Variants in KRIT1 observed in about 807,000 individuals in gnomAD.
The protein encoded by KRIT1 is krev interaction trapped protein 1.
In KRIT1, 45 loss-of-function variants were observed where a neutral mutation model predicts 95.8. The ratio of observed to expected loss-of-function variants is 0.47; its 90% CI spans 0.37 to 0.60. The LOEUF is 0.60. Ranked by LOEUF, KRIT1 falls within the 20% of genes least tolerant of loss-of-function variation. KRIT1 has a pLI of 0.00. For synonymous variants in KRIT1, 282 were observed against 278.8 expected, an observed-to-expected ratio of 1.01 and a Z score of -0.11; for missense variants, 788 against 877.5, an observed-to-expected ratio of 0.90 and a Z score of 1.29.
chr7:92,217,502 T>C (rs916584036), intron 14 of KRIT1, among the ~76,000 whole-genome samples: 5 of 152,254 alleles, frequency 3.3e-5, no homozygotes, highest in Non-Finnish European at 5.9e-5. Flanking sequence ...TATTCTAGAT[T>C]ACTTGATATA....
intron 14 of KRIT1, among the ~76,000 whole-genome samples, chr7:92,218,245 A>G (rs1794401611): frequency 6.6e-6 from 1 of 151,842 alleles, no homozygotes; most frequent in Admixed American, 6.6e-5. Flanking sequence ...CAAAGACAAA[A>G]ACAAAAACAA....
At chr7:92,212,679 A>G (rs1584790265) in intron 17 of KRIT1, among the ~76,000 whole-genome samples, 1 of 152,238 alleles carries the variant, frequency 6.6e-6, no homozygotes, top group Non-Finnish European at 1.5e-5. Context: ...AACTGTGAGA[A>G]ATAAAACTTC....
chr7:92,239,998 T>G (rs1329529294), intron 5 of KRIT1, among the ~76,000 whole-genome samples: 3 of 152,018 alleles, frequency 2.0e-5, no homozygotes, highest in Non-Finnish European at 4.4e-5. Context: ...CGTGAGCCAC[T>G]GCACCTCACG....
intron 10 of KRIT1, among the ~76,000 whole-genome samples, chr7:92,228,799 GTCC>G (rs960233431): frequency 1.5e-4 from 23 of 152,114 alleles, no homozygotes; most frequent in Admixed American, 1.4e-3. Flanking sequence ...GTGCTCATGA[GTCC>G]TCATCATTCA....
chr7:92,205,122 G>A (rs558245287), intron 17 of KRIT1, among the ~76,000 whole-genome samples: 1 of 152,092 alleles, frequency 6.6e-6, no homozygotes, highest in African/African-American at 2.4e-5. Flanking sequence ...CGAGGCAGTC[G>A]GATCACCTGA....
At chr7:92,235,316 G>A in intron 8 of KRIT1, 87 bp downstream of exon 8, 1 of 1,308,702 alleles carries the variant, frequency 7.6e-7, no homozygotes. Flanking sequence ...TTTATAATTA[G>A]TAATAGATGT....
In KRIT1 at chr7:92,241,738, G is replaced by C. The variant is rs1274617311; in HGVS notation, c.102+296C>G. On this transcript the variant is annotated intron_variant, in intron 4 of 18. Coordinates refer to ENST00000394505, the MANE Select transcript of KRIT1 (RefSeq NM_194454.3). Reference sequence around the variant, plus strand: ...TTTGGATTGAAATTTTAAGTGAGCTGACTTTTGCAGTGGTTTTTAATTTTT... The same window carrying C: ...TTTGGATTGAAATTTTAAGTGAGCTCACTTTTGCAGTGGTTTTTAATTTTT... Among the ~76,000 whole-genome samples, 4 of 152,172 alleles carry C rather than the reference G, an allele frequency of 2.6e-5. No individual in the cohort carries two copies. The East Asian group carries it at 5.8e-4, about 22-fold the overall frequency.
At chr7:92,209,800 T>C (rs1792372258) in intron 17 of KRIT1, among the ~76,000 whole-genome samples, 1 of 152,080 alleles carries the variant, frequency 6.6e-6, no homozygotes, top group Non-Finnish European at 1.5e-5. Context: ...TGGTGGCTCA[T>C]GCCTGTAATC....
In KRIT1 at chr7:92,206,353, C is replaced by T. The variant is rs545589664; in HGVS notation, c.2026-4930G>A. ...AGGAAAGGCATGCCCTGCCTACTGG[C>T]ACAACTACTAGTGCCTGAGCACTGG... On this transcript the variant is annotated intron_variant, in intron 17 of 18. Transcript: ENST00000394505. 5 of 152,548 alleles carry T rather than the reference C, an allele frequency of 3.3e-5. No homozygotes were observed. The South Asian group carries it at 1.0e-3, about 32-fold the overall frequency. The allele number at this position is 152,548 out of a possible 1,614,324, so 9.4% of individuals were successfully genotyped here.
At chr7:92,236,614 C>T (rs933779852) in intron 6 of KRIT1, 72 bp from the exon 7 acceptor site, 8 of 1,032,792 alleles carry the variant, frequency 7.7e-6, no homozygotes, top group Non-Finnish European at 6.0e-6. Flanking sequence ...TCTAAAAATA[C>T]ATGTTAGAAA....
At chr7:92,241,173 A>C (rs1156683859) in intron 4 of KRIT1, 21 bp from the exon 5 acceptor site, 1 of 1,566,860 alleles carries the variant, frequency 6.4e-7, no homozygotes, top group East Asian at 2.2e-5. Context: ...AAAAACATTA[A>C]GAGAAAGCTT....
At position 92,200,569 on chromosome 7, in the gene KRIT1, T is replaced by G. The variant is rs991965771; in HGVS notation, c.*167A>C. On this transcript the variant is annotated 3_prime_UTR_variant, in exon 19 of 19. Transcript: ENST00000394505. The stretch of plus-strand genomic sequence containing the variant: ...GGTTTCACCATGTTGGCCAGGCTGG[T>G]CTTGAACTCTGACTTCAGGTGATCC... The G allele has an allele frequency of 3.1e-6, 2 of 642,716 alleles. No homozygotes were observed. Among genetic ancestry groups the G allele is most frequent in the African/African-American group, 3.6e-5 (2 of 55,362 alleles). The allele number at this position is 642,716 out of a possible 1,614,324, so 39.8% of individuals were successfully genotyped here.
chr7:92,208,975 C>A (rs1792171484), intron 17 of KRIT1, among the ~76,000 whole-genome samples: 1 of 152,120 alleles, frequency 6.6e-6, no homozygotes, highest in African/African-American at 2.4e-5. Context: ...TCCAACAACA[C>A]ATCAAAAAGA....
chr7:92,200,604 A>C lies in KRIT1; in HGVS notation c.*132T>G, dbSNP rs572414111. The stretch of plus-strand genomic sequence containing the variant: ...TGACTTCAGGTGATCCGCCTGCCCC[A>C]GCCTCCCAAAGTGCTGGAATTACAG... On this transcript the variant is annotated 3_prime_UTR_variant, in exon 19 of 19. Coordinates refer to ENST00000394505, the MANE Select transcript of KRIT1 (RefSeq NM_194454.3). 1,829 of 701,286 alleles carry C rather than the reference A, an allele frequency of 2.6e-3. 17 individuals are homozygous for C. The highest frequency in any genetic ancestry group is 9.6e-3 in the South Asian group (634 of 66,378). The allele number at this position is 701,286 out of a possible 1,614,324, so 43.4% of individuals were successfully genotyped here.
chr7:92,211,451 C>T (rs552325474), intron 17 of KRIT1, among the ~76,000 whole-genome samples: 94 of 152,184 alleles, frequency 6.2e-4, no homozygotes, highest in African/African-American at 2.1e-3. Flanking sequence ...TTCTCATATA[C>T]GTGAGACGTT....
At chr7:92,221,874 T>A (rs1795220239) in intron 14 of KRIT1, 28 bp downstream of exon 14, 1 of 1,600,162 alleles carries the variant, frequency 6.2e-7, no homozygotes, top group Non-Finnish European at 8.6e-7. Flanking sequence ...TGCATTTAAA[T>A]AACTGTAAAT....
chr7:92,236,268 T>C, intron 7 of KRIT1, 145 bp downstream of exon 7: 1 of 614,346 alleles, frequency 1.6e-6, no homozygotes, highest in Non-Finnish European at 2.8e-6. Flanking sequence ...TTCATTTTTA[T>C]ATTAGAATTG....
chr7:92,204,687 C>T (rs189636464), intron 17 of KRIT1, among the ~76,000 whole-genome samples: 140 of 152,106 alleles, frequency 9.2e-4, no homozygotes, highest in African/African-American at 3.2e-3. Flanking sequence ...CTAATGCCAC[C>T]GTTGATCTGA....
chr7:92,217,949 A>G (rs905461158), intron 14 of KRIT1, among the ~76,000 whole-genome samples: 8 of 152,068 alleles, frequency 5.3e-5, no homozygotes, highest in African/African-American at 1.9e-4. Context: ...TAGCCATCCT[A>G]GTGGGTGTGG....
Sources: gnomAD v4.1 joint callset for allele counts (sites outside exome capture counted in the v4.1 genomes callset) on GRCh38, gnomAD v4.1.1 for gene constraint, MANE v1.5 for transcripts, NCBI Gene and HGNC (gene_info 2026-07-23, HGNC 2026-07-21) for gene names.